Variants in CACNA1E observed in about 807,000 individuals in gnomAD.
CACNA1E encodes calcium voltage-gated channel subunit alpha1 E, also known as voltage-dependent R-type calcium channel subunit alpha-1E.
Under a neutral mutation model 259.2 loss-of-function variants are expected in CACNA1E, and 40 were observed. The observed-to-expected ratio is 0.15, with a 90% CI of 0.12 to 0.20. The LOEUF is 0.20. Among genes scored for constraint, CACNA1E ranks in the 10% least tolerant of loss-of-function variants. CACNA1E has a pLI of 1.00. For synonymous variants in CACNA1E, 1,104 were observed against 1,138.5 expected, an observed-to-expected ratio of 0.97 and a Z score of 0.61; for missense variants, 1,874 against 3,040.1, an observed-to-expected ratio of 0.62 and a Z score of 9.02.
intron 19 of CACNA1E, among the ~76,000 whole-genome samples, chr1:181,731,855 A>G (rs984644563): frequency 3.3e-5 from 5 of 152,074 alleles, no homozygotes; most frequent in Admixed American, 3.3e-4. Context: ...TGAGGGTGAT[A>G]TCAAGACTTT....
chr1:181,663,090 A>G (rs537769747), intron 7 of CACNA1E, among the ~76,000 whole-genome samples: 2 of 152,310 alleles, frequency 1.3e-5, no homozygotes, highest in South Asian at 2.1e-4. Flanking sequence ...ACATGTTCCC[A>G]TAGCACTATA....
chr1:181,394,667 G>A (rs543975966), intron 1 of CACNA1E, among the ~76,000 whole-genome samples: 34 of 152,324 alleles, frequency 2.2e-4, no homozygotes, highest in African/African-American at 7.0e-4. Flanking sequence ...GCAGTGTGCA[G>A]GATTCTACAG....
intron 7 of CACNA1E, among the ~76,000 whole-genome samples, chr1:181,674,577 GA>G (rs1292092130): frequency 6.6e-6 from 1 of 152,032 alleles, no homozygotes. Context: ...CCCTAATATG[GA>G]CCAGGCCTCA....
intron 3 of CACNA1E, among the ~76,000 whole-genome samples, chr1:181,563,462 A>T (rs1649522434): frequency 6.6e-6 from 1 of 152,146 alleles, no homozygotes; most frequent in African/African-American, 2.4e-5. Flanking sequence ...ACCACACAAC[A>T]CTATGAGAAA....
intron 2 of CACNA1E, among the ~76,000 whole-genome samples, chr1:181,431,250 T>C (rs1571859268): frequency 6.6e-6 from 1 of 152,242 alleles, no homozygotes; most frequent in Non-Finnish European, 1.5e-5. Flanking sequence ...AGTTTTGATG[T>C]GGCAGTGTGT....
intron 2 of CACNA1E, among the ~76,000 whole-genome samples, chr1:181,438,716 T>C (rs1048723700): frequency 6.6e-6 from 1 of 152,128 alleles, no homozygotes; most frequent in African/African-American, 2.4e-5. Context: ...AGATGGAAAT[T>C]TGCACGCGTA....
At chr1:181,718,801 C>T (rs565204893) in intron 12 of CACNA1E, among the ~76,000 whole-genome samples, 14 of 152,228 alleles carry the variant, frequency 9.2e-5, no homozygotes, top group African/African-American at 1.2e-4. Flanking sequence ...TGTCCCCTGC[C>T]GCTTACAGGA....
intron 18 of CACNA1E, among the ~76,000 whole-genome samples, chr1:181,729,339 G>T (rs1474768134): frequency 6.6e-6 from 1 of 152,244 alleles, no homozygotes; most frequent in Non-Finnish European, 1.5e-5. Flanking sequence ...ACATTGCTTA[G>T]GTGTGTGTGC....
At chr1:181,725,263 A>T (rs1393590848) in intron 17 of CACNA1E, among the ~76,000 whole-genome samples, 1 of 152,134 alleles carries the variant, frequency 6.6e-6, no homozygotes, top group African/African-American at 2.4e-5. Flanking sequence ...ATCTGCATAT[A>T]TGGTAGGAAA....
intron 1 of CACNA1E, among the ~76,000 whole-genome samples, chr1:181,494,909 G>A (rs1010954054): frequency 6.6e-6 from 1 of 152,164 alleles, no homozygotes; most frequent in Admixed American, 6.5e-5. Context: ...TGCGTTGACC[G>A]TTCAGCTTTT....
chr1:181,727,753 G>A (rs1317344786), intron 18 of CACNA1E, among the ~76,000 whole-genome samples: 3 of 152,212 alleles, frequency 2.0e-5, no homozygotes. Context: ...TGGGGCATCT[G>A]TGGGAGGGTC....
chr1:181,322,597 A>G (rs537753672), intron 1 of CACNA1E, among the ~76,000 whole-genome samples: 1 of 152,304 alleles, frequency 6.6e-6, no homozygotes, highest in African/African-American at 2.4e-5. Context: ...CATCCCTGAC[A>G]TGAGGATTCA....
At chr1:181,497,319 C>T (rs942936381) in intron 1 of CACNA1E, among the ~76,000 whole-genome samples, 1 of 152,220 alleles carries the variant, frequency 6.6e-6, no homozygotes, top group African/African-American at 2.4e-5. Context: ...ATTAGAACTT[C>T]TAACAGCTTT....
intron 6 of CACNA1E, among the ~76,000 whole-genome samples, chr1:181,644,839 G>A (rs559019995): frequency 3.3e-5 from 5 of 152,272 alleles, no homozygotes; most frequent in South Asian, 2.1e-4. Flanking sequence ...CAAAAGGGCC[G>A]GGCCATTGAT....
At chr1:181,579,011 C>G in intron 4 of CACNA1E, 61 bp from the exon 5 acceptor site, 2 of 1,353,716 alleles carry the variant, frequency 1.5e-6, no homozygotes, top group South Asian at 3.1e-5. Context: ...GAAACTAATC[C>G]TCCCCTATCA....
intron 7 of CACNA1E, among the ~76,000 whole-genome samples, chr1:181,684,513 T>G (rs912989674): frequency 6.6e-6 from 1 of 152,204 alleles, no homozygotes; most frequent in Non-Finnish European, 1.5e-5. Flanking sequence ...TTGTTTTTGT[T>G]GCAATTGCTT....
chr1:181,658,637 G>C (rs528962473), intron 7 of CACNA1E, among the ~76,000 whole-genome samples: 1 of 152,126 alleles, frequency 6.6e-6, no homozygotes, highest in African/African-American at 2.4e-5. Flanking sequence ...TCCAGCTGTC[G>C]GGCCATGGGC....
At chr1:181,569,744 C>T (rs186940075) in intron 3 of CACNA1E, among the ~76,000 whole-genome samples, 3 of 152,298 alleles carry the variant, frequency 2.0e-5, no homozygotes, top group Admixed American at 6.5e-5. Context: ...TGTATTAACA[C>T]CCACTTCTCC....
At chr1:181,401,245 G>A (rs982543014) in intron 1 of CACNA1E, among the ~76,000 whole-genome samples, 14 of 151,802 alleles carry the variant, frequency 9.2e-5, no homozygotes, top group Non-Finnish European at 1.9e-4. Context: ...TTCAGTTGCA[G>A]TCCACCCTAA....
Sources: gnomAD v4.1 joint callset for allele counts (sites outside exome capture counted in the v4.1 genomes callset) on GRCh38, gnomAD v4.1.1 for gene constraint, MANE v1.5 for transcripts, NCBI Gene and HGNC (gene_info 2026-07-23, HGNC 2026-07-21) for gene names.